Variants in KRT78 observed in about 807,000 individuals in gnomAD.
KRT78 encodes keratin 78.
In KRT78, 55 loss-of-function variants were observed where a neutral mutation model predicts 51.4. That is an observed-to-expected ratio of 1.07 (90% CI 0.86 to 1.34). KRT78 has a LOEUF of 1.34. Ranked by LOEUF, KRT78 falls within the 40% of genes most tolerant of loss-of-function variation. The pLI, the probability that KRT78 is intolerant of heterozygous loss-of-function variation, is 0.00. For missense variants in KRT78, 652 were observed against 649.4 expected (o/e 1.00, Z -0.04); for synonymous variants, 291 against 264.3 (o/e 1.10, Z -0.98).
intron 4 of KRT78, 27 bp downstream of exon 4, chr12:52,846,170 G>T: frequency 6.5e-7 from 1 of 1,535,488 alleles, no homozygotes; most frequent in Non-Finnish European, 9.0e-7. Flanking sequence ...TCTCTTGGCT[G>T]CAGCCTGCCC....
At chr12:52,841,486 CAAAA>C (rs56956757) in intron 6 of KRT78, among the ~76,000 whole-genome samples, 1 of 98,624 alleles carries the variant, frequency 1.0e-5, no homozygotes, top group Non-Finnish European at 2.4e-5. Context: ...GACTCCTTCT[CAAAA>C]AAAAAAAAAA....
At position 52,839,172 on chromosome 12, in the gene KRT78, AGCTGGAGCCAGC is replaced by A. The variant is rs770635335; in HGVS notation, c.1492_1503del (p.Ala498_Ser501del). The A allele has an allele frequency of 9.1e-5, 146 of 1,613,162 alleles. No individual in the cohort carries two copies. Among genetic ancestry groups the A allele is most frequent in the Admixed American group, 2.2e-4 (13 of 59,984 alleles). ...ACTGTCTTCTTCAGGATGGTGTGGCAGCTGGAGCCAGCGCTGGAGCCAGACACAGAGCAGGAA... is the reference window on the plus strand; with the variant it reads ...ACTGTCTTCTTCAGGATGGTGTGGCAGCTGGAGCCAGACACAGAGCAGGAA... On this transcript the variant is annotated inframe_deletion, in exon 9 of 9. Coordinates refer to ENST00000304620, the MANE Select transcript of KRT78 (RefSeq NM_173352.4).
intron 4 of KRT78, among the ~76,000 whole-genome samples, chr12:52,845,628 A>G (rs1203777179): frequency 6.6e-6 from 1 of 152,076 alleles, no homozygotes; most frequent in Non-Finnish European, 1.5e-5. Flanking sequence ...TTCCTTATTT[A>G]CTAAGTCTGT....
At chr12:52,840,715 AAAG>A (rs1940474868) in intron 6 of KRT78, among the ~76,000 whole-genome samples, 3 of 152,110 alleles carry the variant, frequency 2.0e-5, no homozygotes, top group Non-Finnish European at 4.4e-5. Flanking sequence ...CAAAAAATAG[AAAG>A]AAGAAGAGAG....
At position 52,839,959 on chromosome 12, in the gene KRT78, G is replaced by A. The variant is rs2120384885; in HGVS notation, c.1073C>T (p.Thr358Ile). The A allele has an allele frequency of 6.2e-7, 1 of 1,613,370 alleles. No homozygotes were observed. Among genetic ancestry groups the A allele is most frequent in the African/African-American group, 1.3e-5 (1 of 75,030 alleles). The change falls in exon 7 of 9, where the codon ACT (threonine) becomes ATT (isoleucine). Residue 358 changes from threonine to isoleucine, a missense_variant. By Grantham distance (89) the Thr-to-Ile change is moderately conservative. Coordinates refer to ENST00000304620, the MANE Select transcript of KRT78 (RefSeq NM_173352.4). ...KQNASLQAAI[T>I]DAEQRGELAL... ...CAGCTCCCCACGCTGCTCAGCATCAGTGATGGCGGCCTGCAGGCTGGCGTT... is the reference window on the plus strand; with the variant it reads ...CAGCTCCCCACGCTGCTCAGCATCAATGATGGCGGCCTGCAGGCTGGCGTT...
chr12:52,847,971 C>T lies in KRT78; in HGVS notation c.535G>A (p.Glu179Lys). The T allele has an allele frequency of 6.2e-7, 1 of 1,614,238 alleles. No homozygotes were observed. Among genetic ancestry groups the T allele is most frequent in the Non-Finnish European group, 8.5e-7 (1 of 1,180,036 alleles). ...AACTCAGCATCCAGAGCCCCTCGTT[C>T]TCCCTGGAGCTGCTCCAGCTGCTTC... is the stretch of plus-strand genomic sequence containing the variant. ...LRKQLEQLQG[E>K]RGALDAELKA... The change falls in exon 2 of 9, where the codon GAA becomes AAA. Residue 179 changes from glutamate to lysine, a missense_variant. By Grantham distance (56) the Glu-to-Lys change is moderately conservative (BLOSUM62 1). Transcript: ENST00000304620.
intron 5 of KRT78, 130 bp from the exon 6 acceptor site, chr12:52,844,348 G>A: frequency 8.2e-7 from 1 of 1,217,932 alleles, no homozygotes; most frequent in Non-Finnish European, 1.1e-6. Flanking sequence ...AGGACACAGT[G>A]GGATATACTT....
intron 1 of KRT78, 197 bp from the exon 2 acceptor site, chr12:52,848,318 G>A (rs1233278096): frequency 1.5e-5 from 22 of 1,508,170 alleles, no homozygotes; most frequent in Non-Finnish European, 1.9e-5. Context: ...ATGGGGCAGG[G>A]CCTTCCCCCC....
chr12:52,844,804 G>A, intron 4 of KRT78, 81 bp from the exon 5 acceptor site: 1 of 1,360,070 alleles, frequency 7.4e-7, no homozygotes, highest in Non-Finnish European at 1.0e-6. Flanking sequence ...GCAGGATGAT[G>A]AATTTCTGCT....
intron 6 of KRT78, among the ~76,000 whole-genome samples, chr12:52,843,014 G>A (rs1191619974): frequency 1.0e-5 from 1 of 98,362 alleles, no homozygotes; most frequent in East Asian, 3.7e-4. Context: ...AGGAAGGAGG[G>A]AGGGAGGGAG....
In KRT78 at chr12:52,848,622, C is replaced by T; in HGVS notation, c.309G>A (p.Gln103=). Reference sequence around the variant, plus strand: ...TCTCCTGCGTCCGCACCACCTGGAACTGGGGATCGATCTCAATCTTCAGTG... The same window carrying T: ...TCTCCTGCGTCCGCACCACCTGGAATTGGGGATCGATCTCAATCTTCAGTG... ...LTPLKIEIDP[Q]FQVVRTQETQ... is the part of the protein sequence containing the mutation. The change falls in exon 1 of 9, where the codon CAG becomes CAA. Residue 103 remains glutamine, a synonymous_variant. Coordinates refer to ENST00000304620, the MANE Select transcript of KRT78 (RefSeq NM_173352.4). The T allele has an allele frequency of 6.2e-7, 1 of 1,614,100 alleles. No homozygotes were observed.
chr12:52,843,453 G>T lies in KRT78; in HGVS notation c.1047+640C>A, dbSNP rs1425333987. ...ACCTGTAATCCTACCACTTTGGGAG[G>T]CCAAGGCGGGCAGATCACTTGAGGT... On this transcript the variant is annotated intron_variant, in intron 6 of 8. Coordinates refer to ENST00000304620, the MANE Select transcript of KRT78 (RefSeq NM_173352.4). Among the ~76,000 whole-genome samples the T allele has an allele frequency of 3.3e-5, 5 of 150,780 alleles. No homozygotes were observed. The South Asian group carries it at 8.5e-4, about 26-fold the overall frequency.
Position 52,839,364 on chromosome 12 carries a change from C to T in KRT78, c.1312G>A (p.Gly438Arg). 1.2e-6 allele frequency: 2 copies of T among 1,613,816 alleles called. No individual in the cohort carries two copies. The highest frequency in any genetic ancestry group is 1.7e-6 in the Non-Finnish European group (2 of 1,179,864). The change falls in exon 9 of 9, where the codon GGA becomes AGA. Residue 438 changes from glycine to arginine, a missense_variant. By Grantham distance (125) the Gly-to-Arg change is moderately radical (BLOSUM62 -2). Coordinates refer to ENST00000304620, the MANE Select transcript of KRT78 (RefSeq NM_173352.4). The part of the protein sequence containing the change: ...CTSQVTISSV[G>R]GSAVMSGGVG... The stretch of plus-strand genomic sequence containing the variant: ...CCTCCAGACATGACAGCGCTGCCTC[C>T]CACCGAGGCTGCCAAGAAACGCACC...
chr12:52,845,434 C>T (rs896759226), intron 4 of KRT78, among the ~76,000 whole-genome samples: 2 of 152,188 alleles, frequency 1.3e-5, no homozygotes, highest in African/African-American at 4.8e-5. Context: ...ATCCCAGAAA[C>T]CCACCTGCGT....
Position 52,839,444 on chromosome 12 carries a change from G to T in KRT78, c.1303+9C>A. ...GGGGATCCCATCCCTAAAGTCCCCTGATACTCACAGATAGTGACCTGGCTG... is the reference window on the plus strand; with the variant it reads ...GGGGATCCCATCCCTAAAGTCCCCTTATACTCACAGATAGTGACCTGGCTG... On this transcript the variant is annotated intron_variant, in intron 8 of 8. Coordinates refer to ENST00000304620, the MANE Select transcript of KRT78 (RefSeq NM_173352.4). 1 of 1,609,118 alleles carries T rather than the reference G, an allele frequency of 6.2e-7. No homozygotes were observed. Among genetic ancestry groups the T allele is most frequent in the South Asian group, 1.1e-5 (1 of 90,012 alleles).
In KRT78 at chr12:52,848,117, C is replaced by T. The variant is rs770720135; in HGVS notation, c.389G>A (p.Arg130Gln). The stretch of plus-strand genomic sequence containing the variant: ...GACCTTGTTCTGCTGCTCCAGGAAC[C>T]GCACCTGCAGCAAAAGCAGAGGATC... The part of the protein sequence containing the change: ...NQFASFIDKV[R>Q]FLEQQNKVLE... The change falls in exon 2 of 9, where the codon CGG (arginine) becomes CAG (glutamine). Residue 130 changes from arginine (R) to glutamine (Q), a missense_variant. Physicochemically the swap from Arg to Gln is conservative, Grantham distance 43. Coordinates refer to ENST00000304620, the MANE Select transcript of KRT78 (RefSeq NM_173352.4). 7.8e-5 allele frequency: 126 copies of T among 1,613,864 alleles called. No individual in the cohort carries two copies. The highest frequency in any genetic ancestry group is 1.6e-4 in the Middle Eastern group (1 of 6,084).
intron 1 of KRT78, chr12:52,848,325 C>T: frequency 4.0e-6 from 6 of 1,502,950 alleles, no homozygotes; most frequent in Non-Finnish European, 5.4e-6. Flanking sequence ...AGGGCCTTCC[C>T]CCCGCTGGCT....
chr12:52,847,975 C>G lies in KRT78; in HGVS notation c.531G>C (p.Gln177His). 6.2e-7 allele frequency: 1 copy of G among 1,614,226 alleles called. No individual in the cohort carries two copies. Among genetic ancestry groups the G allele is most frequent in the East Asian group, 2.2e-5 (1 of 44,886 alleles). The change falls in exon 2 of 9, where the codon CAG becomes CAC. Residue 177 changes from glutamine (Q) to histidine (H), a missense_variant. Coordinates refer to ENST00000304620, the MANE Select transcript of KRT78 (RefSeq NM_173352.4). The part of the protein sequence containing the change: ...DQLRKQLEQL[Q>H]GERGALDAEL... Reference sequence around the variant, plus strand: ...CAGCATCCAGAGCCCCTCGTTCTCCCTGGAGCTGCTCCAGCTGCTTCCTGA... The same window carrying G: ...CAGCATCCAGAGCCCCTCGTTCTCCGTGGAGCTGCTCCAGCTGCTTCCTGA...
Position 52,844,728 on chromosome 12 carries a change from A to C in KRT78, c.757-5T>G. 2 of 1,604,298 alleles carry C rather than the reference A, an allele frequency of 1.2e-6. No individual in the cohort carries two copies. Among genetic ancestry groups the C allele is most frequent in the Non-Finnish European group, 1.7e-6 (2 of 1,174,050 alleles). On this transcript the variant is annotated splice_region_variant and splice_polypyrimidine_tract_variant and intron_variant, in intron 4 of 8. Coordinates refer to ENST00000304620, the MANE Select transcript of KRT78 (RefSeq NM_173352.4). ...GGTCTGGAGCTGGCCCAGCTCCTGC[A>C]GGGAAGACAGACTCAGTGTCCACTC...
Sources: gnomAD v4.1 joint callset for allele counts (sites outside exome capture counted in the v4.1 genomes callset) on GRCh38, gnomAD v4.1.1 for gene constraint, MANE v1.5 for transcripts, NCBI Gene and HGNC (gene_info 2026-07-23, HGNC 2026-07-21) for gene names.